The following GOLM2 variants were observed in gnomAD, a reference collection of about 807,000 sequenced individuals.
The protein encoded by GOLM2 is protein GOLM2.
GOLM2 carries 26 observed loss-of-function variants against 55.9 expected under a neutral mutation model. The ratio of observed to expected loss-of-function variants is 0.47; its 90% CI spans 0.34 to 0.65. GOLM2 has a LOEUF of 0.65. Ranked by LOEUF, GOLM2 falls within the 30% of genes least tolerant of loss-of-function variation. The pLI is 0.01. For synonymous variants in GOLM2, 165 were observed against 194.6 expected, an observed-to-expected ratio of 0.85 and a Z score of 1.27; for missense variants, 486 against 531.8, an observed-to-expected ratio of 0.91 and a Z score of 0.85.
chr15:44,369,067 T>TCATA (rs1555424961), intron 6 of GOLM2, among the ~76,000 whole-genome samples: 13 of 22,958 alleles, frequency 5.7e-4, no homozygotes, highest in African/African-American at 2.0e-3. Flanking sequence ...ATAGGATATA[T>TCATA]TATATATATA....
intron 1 of GOLM2, among the ~76,000 whole-genome samples, chr15:44,318,391 T>G (rs2078926219): frequency 6.6e-6 from 1 of 152,214 alleles, no homozygotes; most frequent in African/African-American, 2.4e-5. Context: ...CTCTTCATGT[T>G]GCAGCCAGAT....
At chr15:44,302,553 C>A (rs1054419356) in intron 1 of GOLM2, among the ~76,000 whole-genome samples, 1 of 151,750 alleles carries the variant, frequency 6.6e-6, no homozygotes, top group Non-Finnish European at 1.5e-5. Flanking sequence ...TGCAGTGTCA[C>A]CATCTCAGCT....
intron 6 of GOLM2, among the ~76,000 whole-genome samples, chr15:44,365,954 T>C (rs1233687886): frequency 6.6e-6 from 1 of 152,064 alleles, no homozygotes; most frequent in African/African-American, 2.4e-5. Context: ...GCAGGAGATA[T>C]TTGGGATATT....
rs762421566 is a variant in GOLM2 at position 44,402,939 on chromosome 15, A to T, written c.1125A>T (p.Lys375Asn). 6.2e-7 allele frequency: 1 copy of T among 1,614,056 alleles called. No individual in the cohort carries two copies. Among genetic ancestry groups the T allele is most frequent in the East Asian group, 2.2e-5 (1 of 44,870 alleles). Residue 375 changes from lysine to asparagine, a missense_variant, in exon 9 of 10, where the codon AAA becomes AAT. Lys to Asn is a moderately conservative substitution (Grantham distance 94, BLOSUM62 0). Transcript: ENST00000299957. ...CTGTTGATCCGCAGCATGGCTCTAA[A>T]CTGGCGGATTATAATGGGGATGATG... is the stretch of plus-strand genomic sequence containing the variant. ...ESPVDPQHGS[K>N]LADYNGDDGN... is the part of the protein sequence containing the mutation.
At chr15:44,385,582 T>C (rs1256072584) in intron 8 of GOLM2, among the ~76,000 whole-genome samples, 1 of 152,122 alleles carries the variant, frequency 6.6e-6, no homozygotes, top group Non-Finnish European at 1.5e-5. Context: ...AATCTAGCTT[T>C]GTCACCCAGG....
At position 44,289,281 on chromosome 15, in the gene GOLM2, G is replaced by A; in HGVS notation, c.252G>A (p.Lys84=). The stretch of plus-strand genomic sequence containing the variant: ...CGCACAAGAAACAGATCGACCAGAA[G>A]GAGGCCGACTACGGCCGCCTCAGCA... The part of the protein sequence containing the change: ...VDTHKKQIDQ[K]EADYGRLSSR... The change falls in exon 1 of 10, where the codon AAG becomes AAA. Residue 84 remains lysine (K), a synonymous_variant. Coordinates refer to ENST00000299957, the MANE Select transcript of GOLM2 (RefSeq NM_138423.4). The surrounding 1 kb of genome is among the most constrained non-coding windows in gnomAD (Gnocchi z 4.8). 1 of 1,613,816 alleles carries A rather than the reference G, an allele frequency of 6.2e-7. No individual in the cohort carries two copies. Among genetic ancestry groups the A allele is most frequent in the South Asian group, 1.1e-5 (1 of 91,070 alleles).
At chr15:44,291,245 C>A (rs1480092676) in intron 1 of GOLM2, among the ~76,000 whole-genome samples, 2 of 152,036 alleles carry the variant, frequency 1.3e-5, no homozygotes, top group Non-Finnish European at 2.9e-5. Flanking sequence ...CTCTGAGTAG[C>A]TGGGACTGCA....
intron 6 of GOLM2, among the ~76,000 whole-genome samples, chr15:44,354,414 C>T (rs917458967): frequency 3.3e-5 from 5 of 150,858 alleles, no homozygotes; most frequent in African/African-American, 7.3e-5. Context: ...CAAACCTGCA[C>T]GTTGTGCACA....
intron 6 of GOLM2, among the ~76,000 whole-genome samples, chr15:44,342,210 G>T: frequency 6.6e-6 from 1 of 150,954 alleles, no homozygotes; most frequent in East Asian, 1.9e-4. Flanking sequence ...TTTCTACATT[G>T]TCATGGCATA....
intron 8 of GOLM2, among the ~76,000 whole-genome samples, chr15:44,388,273 CAAAAAAAA>C (rs35283840): frequency 1.5e-5 from 1 of 68,616 alleles, no homozygotes; most frequent in African/African-American, 5.2e-5. Context: ...GACCCTGTCT[CAAAAAAAA>C]AAAAAAAAAA....
chr15:44,295,055 C>A (rs1044613388), intron 1 of GOLM2, among the ~76,000 whole-genome samples: 1 of 151,982 alleles, frequency 6.6e-6, no homozygotes, highest in African/African-American at 2.4e-5. Flanking sequence ...CAGTCTGTTA[C>A]CTGGGTTACT....
rs868630647 is a variant in GOLM2, at chr15:44,399,687, T to C, written c.1073-3200T>C. On this transcript the variant is annotated intron_variant, in intron 8 of 9. Transcript: ENST00000299957. ...AGCCTAATGTTTTGAGTCTTCTGTATTTCATAACTCTGATTTAAAAATGAA... is the reference window on the plus strand; with the variant it reads ...AGCCTAATGTTTTGAGTCTTCTGTACTTCATAACTCTGATTTAAAAATGAA... 3.3e-5 allele frequency among the ~76,000 whole-genome samples: 5 copies of C among 152,124 alleles called. No homozygotes were observed. In the South Asian group the frequency reaches 1.0e-3, roughly 32 times the overall value.
At chr15:44,348,035 G>A (rs2079136862) in intron 6 of GOLM2, among the ~76,000 whole-genome samples, 3 of 152,144 alleles carry the variant, frequency 2.0e-5, no homozygotes, top group Admixed American at 2.0e-4. Flanking sequence ...GAGCCCTTGG[G>A]CCCTGAATAA....
chr15:44,293,057 C>T (rs1313192007), intron 1 of GOLM2, among the ~76,000 whole-genome samples: 4 of 152,164 alleles, frequency 2.6e-5, no homozygotes, highest in Non-Finnish European at 5.9e-5. Context: ...CTGAAGTGAT[C>T]CTCCTGCCTT....
At chr15:44,359,987 C>T (rs930690045) in intron 6 of GOLM2, among the ~76,000 whole-genome samples, 11 of 151,144 alleles carry the variant, frequency 7.3e-5, no homozygotes, top group African/African-American at 2.2e-4. Context: ...AAATACTTTA[C>T]AGACAAGCAA....
At chr15:44,358,531 C>T (rs1305548565) in intron 6 of GOLM2, among the ~76,000 whole-genome samples, 1 of 151,900 alleles carries the variant, frequency 6.6e-6, no homozygotes, top group Non-Finnish European at 1.5e-5. Context: ...ACCAATGAAA[C>T]AGAACAGAGA....
Position 44,367,211 on chromosome 15 carries a change from C to CT in GOLM2, c.803-12462dup, listed in dbSNP as rs757974081. Reference sequence around the variant, plus strand: ...AGCCTGAAACACTTACTGTCTGGCCCTTTTTTTTTTTTTTTTTCTGTCTGG... The same window carrying CT: ...AGCCTGAAACACTTACTGTCTGGCCCTTTTTTTTTTTTTTTTTTCTGTCTGG... On this transcript the variant is annotated intron_variant, in intron 6 of 9. Transcript: ENST00000299957. Among the ~76,000 whole-genome samples the CT allele has an allele frequency of 7.1e-3, 920 of 130,474 alleles. 5 individuals carry two copies. The highest frequency in any genetic ancestry group is 0.02 in the Middle Eastern group (5 of 248). The allele number at this position is 130,474 out of a possible 152,430, so 85.6% of individuals were successfully genotyped here.
At chr15:44,314,233 T>A in intron 1 of GOLM2, among the ~76,000 whole-genome samples, 1 of 136,894 alleles carries the variant, frequency 7.3e-6, no homozygotes. Context: ...CAAAACTCCG[T>A]CTCAAAAAAA....
chr15:44,322,700 AT>A (rs1209132460), intron 1 of GOLM2, among the ~76,000 whole-genome samples: 5 of 152,336 alleles, frequency 3.3e-5, no homozygotes, highest in African/African-American at 9.6e-5. Flanking sequence ...TTAGAAAAAA[AT>A]CATTATGTGA....
Sources: allele counts gnomAD v4.1 joint callset (sites outside exome capture counted in the v4.1 genomes callset), GRCh38; gene constraint gnomAD v4.1.1; non-coding constraint Gnocchi (gnomAD v3.1); transcripts MANE v1.5; gene names NCBI Gene and HGNC (gene_info 2026-07-23, HGNC 2026-07-21).